The following TNRC6B variants were observed in gnomAD, a reference collection of about 807,000 sequenced individuals.
TNRC6B encodes the protein trinucleotide repeat-containing gene 6B protein.
Under a neutral mutation model 203.6 loss-of-function variants are expected in TNRC6B, and 52 were observed. The ratio of observed to expected loss-of-function variants is 0.26; its 90% CI spans 0.20 to 0.32. The LOEUF is 0.32. Ranked by LOEUF, TNRC6B falls within the 10% of genes least tolerant of loss-of-function variation. TNRC6B has a pLI of 1.00. For synonymous variants in TNRC6B, 838 were observed against 845.7 expected (o/e 0.99, Z 0.16); for missense variants, 1,923 against 2,286.2 (o/e 0.84, Z 3.24).
rs375875810 is a variant in TNRC6B, at chr22:40,266,879, T to C, written c.2649T>C (p.Ile883=). Residue 883 remains isoleucine (I), a synonymous_variant, in exon 5 of 23, where the codon ATT becomes ATC. Coordinates refer to ENST00000454349, the MANE Select transcript of TNRC6B (RefSeq NM_001162501.2). ...SGWEEPSPQS[I]SRKMDIDDGT... ...GGGAAGAGCCATCCCCACAGTCAAT[T>C]AGTCGGAAAATGGACATTGATGATG... is the stretch of plus-strand genomic sequence containing the variant. 261 of 1,613,954 alleles carry C rather than the reference T, an allele frequency of 1.6e-4. No individual in the cohort carries two copies. The highest frequency in any genetic ancestry group is 6.6e-4 in the Middle Eastern group (4 of 6,062).
intron 2 of TNRC6B, among the ~76,000 whole-genome samples, chr22:40,121,350 G>T (rs1447271896): frequency 6.6e-6 from 1 of 152,098 alleles, no homozygotes; most frequent in African/African-American, 2.4e-5. Context: ...AACTTCACTG[G>T]TTTTGTAATG....
chr22:40,247,715 T>G (rs893255931), intron 2 of TNRC6B, among the ~76,000 whole-genome samples: 1 of 152,214 alleles, frequency 6.6e-6, no homozygotes, highest in Non-Finnish European at 1.5e-5. Context: ...GCTTCTAATG[T>G]GTTGCTTCTC....
At chr22:40,060,715 G>A (rs1244574476) in intron 1 of TNRC6B, among the ~76,000 whole-genome samples, 1 of 152,134 alleles carries the variant, frequency 6.6e-6, no homozygotes, top group African/African-American at 2.4e-5. Context: ...AGGTGCCCAG[G>A]TGCAAGCTTC....
chr22:40,149,116 G>GA (rs775608596), intron 3 of TNRC6B, among the ~76,000 whole-genome samples: 11 of 152,104 alleles, frequency 7.2e-5, no homozygotes, highest in Non-Finnish European at 1.6e-4. Context: ...AGCAAAAATC[G>GA]AAACAACTCA....
At chr22:40,136,089 G>A (rs2068596695) in intron 3 of TNRC6B, among the ~76,000 whole-genome samples, 1 of 152,096 alleles carries the variant, frequency 6.6e-6, no homozygotes, top group Non-Finnish European at 1.5e-5. Context: ...GGCATTTCTG[G>A]CACGGTCTCC....
At chr22:40,319,271 T>A (rs1211530474) in intron 21 of TNRC6B, among the ~76,000 whole-genome samples, 26 of 142,444 alleles carry the variant, frequency 1.8e-4, no homozygotes, top group Middle Eastern at 3.6e-3. Context: ...TCTCTGAATT[T>A]AAAAAAAAAA....
intron 1 of TNRC6B, among the ~76,000 whole-genome samples, chr22:40,073,053 C>T (rs1391295145): frequency 6.6e-6 from 1 of 151,008 alleles, no homozygotes; most frequent in East Asian, 1.9e-4. Context: ...CATTCAGTCT[C>T]AAGTTGTTTG....
chr22:40,124,321 C>CTTTTT (rs545893898), intron 2 of TNRC6B, among the ~76,000 whole-genome samples: 1 of 134,066 alleles, frequency 7.5e-6, no homozygotes, highest in East Asian at 2.1e-4. Context: ...ATCTTTTTAC[C>CTTTTT]TTTTTTTTTT....
chr22:40,142,791 A>G (rs1323825674), intron 3 of TNRC6B, among the ~76,000 whole-genome samples: 1 of 152,200 alleles, frequency 6.6e-6, no homozygotes, highest in African/African-American at 2.4e-5. Context: ...AACCTAAAGT[A>G]TAAGACTTCA....
intron 12 of TNRC6B, among the ~76,000 whole-genome samples, chr22:40,290,193 A>C (rs1033831885): frequency 6.6e-6 from 1 of 152,204 alleles, no homozygotes; most frequent in Non-Finnish European, 1.5e-5. Context: ...CAGCCCTTGA[A>C]ATGTGGCCGC....
rs1189884850 is a variant in TNRC6B, at chr22:40,327,972, T to C, written c.*4731T>C. ...CGAGTAGCCAAAAGAAAAGAAGCAC[T>C]AATAGAGAAAGGGGTGTCTCACACC... On this transcript the variant is annotated 3_prime_UTR_variant, in exon 23 of 23. Transcript: ENST00000454349. 6.6e-6 allele frequency: 1 copy of C among 151,922 alleles called. No individual in the cohort carries two copies. The highest frequency in any genetic ancestry group is 1.5e-5 in the Non-Finnish European group (1 of 68,006). 9.4% of individuals were successfully genotyped at this position (151,922 alleles called of 1,614,324 possible).
At chr22:40,088,331 T>C (rs1815389873) in intron 1 of TNRC6B, among the ~76,000 whole-genome samples, 1 of 152,358 alleles carries the variant, frequency 6.6e-6, no homozygotes, top group African/African-American at 2.4e-5. Flanking sequence ...GTTTGTGCTC[T>C]GTTCTTCCAC....
At position 40,326,991 on chromosome 22, in the gene TNRC6B, G is replaced by A. The variant is rs912261306; in HGVS notation, c.*3750G>A. The A allele has an allele frequency of 6.6e-6, 1 of 152,664 alleles. No individual in the cohort carries two copies. Among genetic ancestry groups the A allele is most frequent in the South Asian group, 2.1e-4 (1 of 4,830 alleles). 9.5% of individuals were successfully genotyped at this position (152,664 alleles called of 1,614,324 possible). ...TTATCCCCATCCCTTAGCCGGAGAT[G>A]TGGAGTGTTTCCTTTCAGTTTTTGG... On this transcript the variant is annotated 3_prime_UTR_variant, in exon 23 of 23. Transcript: ENST00000454349.
intron 1 of TNRC6B, among the ~76,000 whole-genome samples, chr22:40,064,594 A>G (rs2067879740): frequency 6.7e-6 from 1 of 150,330 alleles, no homozygotes; most frequent in Non-Finnish European, 1.5e-5. Context: ...TAAATCCCAC[A>G]TGGTGATGGT....
At chr22:40,132,886 G>A (rs2068560307) in intron 3 of TNRC6B, among the ~76,000 whole-genome samples, 1 of 139,172 alleles carries the variant, frequency 7.2e-6, no homozygotes, top group Non-Finnish European at 1.5e-5. Context: ...GGAGCTTGCA[G>A]TGAGCCAAGA....
At chr22:40,151,679 T>TA (rs776603327) in intron 3 of TNRC6B, among the ~76,000 whole-genome samples, 34 of 151,774 alleles carry the variant, frequency 2.2e-4, no homozygotes, top group Non-Finnish European at 3.7e-4. Context: ...GAAGAGCTCT[T>TA]AAAAATTCAA....
At chr22:40,201,934 T>C (rs1234769868) in intron 1 of TNRC6B, among the ~76,000 whole-genome samples, 1 of 152,152 alleles carries the variant, frequency 6.6e-6, no homozygotes, top group Non-Finnish European at 1.5e-5. Flanking sequence ...TTTGAAACAC[T>C]TCTGTTCCCA....
At chr22:40,049,527 G>C (rs1302625196) in intron 1 of TNRC6B, among the ~76,000 whole-genome samples, 1 of 152,012 alleles carries the variant, frequency 6.6e-6, no homozygotes, top group Non-Finnish European at 1.5e-5. Context: ...TGTCACCTCT[G>C]TATATGCTAG....
chr22:40,110,854 A>G (rs2068326043), intron 1 of TNRC6B, among the ~76,000 whole-genome samples: 1 of 152,186 alleles, frequency 6.6e-6, no homozygotes, highest in Non-Finnish European at 1.5e-5. Flanking sequence ...TGTTTTTGTA[A>G]GCTCAGAATG....
Sources: gnomAD v4.1 joint callset for allele counts (sites outside exome capture counted in the v4.1 genomes callset) on GRCh38, gnomAD v4.1.1 for gene constraint, MANE v1.5 for transcripts, NCBI Gene and HGNC (gene_info 2026-07-23, HGNC 2026-07-21) for gene names.